PTPRN2: variants seen among roughly 807,000 people sequenced by gnomAD.
PTPRN2 encodes the protein protein tyrosine phosphatase receptor type N2.
A neutral mutation model predicts 118.8 loss-of-function variants in PTPRN2; 74 were observed. That is an observed-to-expected ratio of 0.62 (90% CI 0.52 to 0.76). The LOEUF (loss-of-function observed/expected upper bound fraction) is 0.76, where lower values mean the gene tolerates loss of function less well. PTPRN2 is among the 30% of genes least tolerant of loss of function. The pLI, the probability that PTPRN2 is intolerant of heterozygous loss-of-function variation, is 0.00. For missense variants in PTPRN2, 1,481 were observed against 1,394.4 expected (o/e 1.06, Z -0.99); for synonymous variants, 641 against 608.0 (o/e 1.05, Z -0.80).
chr7:158,501,502 T>G (rs1183116856), intron 1 of PTPRN2, among the ~76,000 whole-genome samples: 1 of 152,172 alleles, frequency 6.6e-6, no homozygotes, highest in Non-Finnish European at 1.5e-5. Flanking sequence ...AACGCCAGGC[T>G]GAGGCTGAGG....
chr7:158,324,089 T>C (rs1404890829), intron 2 of PTPRN2, among the ~76,000 whole-genome samples: 2 of 150,640 alleles, frequency 1.3e-5, no homozygotes, highest in African/African-American at 4.9e-5. Context: ...CCAGACACAC[T>C]AACTCATATA....
intron 15 of PTPRN2, among the ~76,000 whole-genome samples, chr7:157,604,778 C>T (rs1026263586): frequency 2.6e-5 from 4 of 152,202 alleles, no homozygotes; most frequent in Admixed American, 1.3e-4. Context: ...TGAAGCCGGG[C>T]GCAGCGGGGG....
At chr7:157,600,624 G>T (rs909801874) in intron 16 of PTPRN2, among the ~76,000 whole-genome samples, 7 of 152,190 alleles carry the variant, frequency 4.6e-5, no homozygotes, top group Admixed American at 1.3e-4. Context: ...GGCCAGGCTG[G>T]TCTTAAACTT....
chr7:157,991,559 A>T (rs1169137016), intron 11 of PTPRN2, among the ~76,000 whole-genome samples: 1 of 152,118 alleles, frequency 6.6e-6, no homozygotes, highest in Non-Finnish European at 1.5e-5. Context: ...CCTCTGGCTG[A>T]GGGAGGGTGA....
intron 13 of PTPRN2, among the ~76,000 whole-genome samples, chr7:157,679,264 T>C (rs527979866): frequency 1.3e-5 from 2 of 152,290 alleles, no homozygotes; most frequent in African/African-American, 4.8e-5. Flanking sequence ...ACTAAAACAA[T>C]GGGGAGAAGT....
Position 157,994,553 on chromosome 7 carries a change from A to AAATCAACGCC in PTPRN2, c.1723+86744_1723+86745insGGCGTTGATT, listed in dbSNP as rs1554509678. Among the ~76,000 whole-genome samples, 708 of 143,044 alleles carry AAATCAACGCC rather than the reference A, an allele frequency of 4.9e-3. 37 individuals are homozygous for AAATCAACGCC. The highest frequency in any genetic ancestry group is 0.028 in the Admixed American group (391 of 14,180). The allele number at this position is 143,044 out of a possible 152,430, so 93.8% of individuals were successfully genotyped here. ...CTTACAGCTCCTTGTTCCTAAAATC[A>AAATCAACGCC]GCACCGCGTCCCCAGCTTACAACTC... is the stretch of plus-strand genomic sequence containing the variant. On this transcript the variant is annotated intron_variant, in intron 11 of 22. Transcript: ENST00000389418.
chr7:157,940,754 T>G lies in PTPRN2; in HGVS notation c.1724-42017A>C, dbSNP rs531633680. On this transcript the variant is annotated intron_variant, in intron 11 of 22. Transcript: ENST00000389418. ...GCCCTGCCCCATGACACTGCAAATC[T>G]GACACCCTCCCCACCATGACACTGC... Among the ~76,000 whole-genome samples the G allele has an allele frequency of 2.1e-4, 18 of 87,118 alleles. 1 individual carries two copies. Among genetic ancestry groups the G allele is most frequent in the Non-Finnish European group, 3.1e-4 (16 of 52,438 alleles). 57.2% of individuals were successfully genotyped at this position (87,118 alleles called of 152,430 possible). A position where few individuals can be genotyped will look rare whatever the true frequency, so the allele number is the denominator to read the frequency against.
At chr7:158,217,185 G>A (rs976373838) in intron 3 of PTPRN2, among the ~76,000 whole-genome samples, 2 of 152,152 alleles carry the variant, frequency 1.3e-5, no homozygotes, top group Non-Finnish European at 2.9e-5. Context: ...CACCAATGGG[G>A]CAGTTTAGCT....
intron 5 of PTPRN2, among the ~76,000 whole-genome samples, chr7:158,184,610 A>G (rs10243412): frequency 0.89 from 134,906 of 152,134 alleles, 60,082 homozygotes; most frequent in African/African-American, 0.97. Flanking sequence ...TCAGGAGTTC[A>G]AGACCAGCCT....
At chr7:158,024,865 A>G (rs1807150559) in intron 11 of PTPRN2, among the ~76,000 whole-genome samples, 1 of 152,344 alleles carries the variant, frequency 6.6e-6, no homozygotes, top group East Asian at 1.9e-4. Flanking sequence ...AATGTCATAC[A>G]CACAGGAAGT....
chr7:157,784,238 G>A lies in PTPRN2; in HGVS notation c.1789-101301C>T, dbSNP rs1202394178. 6.6e-6 allele frequency among the ~76,000 whole-genome samples: 1 copy of A among 152,130 alleles called. No individual in the cohort carries two copies. Among genetic ancestry groups the A allele is most frequent in the Non-Finnish European group, 1.5e-5 (1 of 68,008 alleles). ...GCAGCTCGTGAGTCAGCCTGGCCTAGTTGGAAAGGCACCAACTAGGTCTCA... is the reference window on the plus strand; with the variant it reads ...GCAGCTCGTGAGTCAGCCTGGCCTAATTGGAAAGGCACCAACTAGGTCTCA... On this transcript the variant is annotated intron_variant, in intron 12 of 22. Transcript: ENST00000389418. This position sits in a 1 kb window ranked among gnomAD's most constrained non-coding sequence, Gnocchi z 4.6.
rs377434138 is a variant in PTPRN2 at position 158,487,600 on chromosome 7, AAGAG to A, written c.163+2131_163+2134del. 3.7e-3 allele frequency among the ~76,000 whole-genome samples: 569 copies of A among 152,308 alleles called. 2 individuals carry two copies. Among genetic ancestry groups the A allele is most frequent in the African/African-American group, 0.013 (524 of 41,566 alleles). Reference sequence around the variant, plus strand: ...CGTACCTTAAGAAAAGAGAGGGGGAAAGAGAGAGAGTGAGCCAGAGGGAGAGAAA... The same window carrying A: ...CGTACCTTAAGAAAAGAGAGGGGGAAAGAGAGTGAGCCAGAGGGAGAGAAA... On this transcript the variant is annotated intron_variant, in intron 2 of 22. Transcript: ENST00000389418.
chr7:158,200,260 G>A (rs937980954), intron 4 of PTPRN2, among the ~76,000 whole-genome samples: 1 of 152,174 alleles, frequency 6.6e-6, no homozygotes, highest in African/African-American at 2.4e-5. Context: ...AAACAAAGAG[G>A]AAGCAGGAAA....
chr7:157,593,176 C>T (rs376422694), intron 17 of PTPRN2, among the ~76,000 whole-genome samples: 13 of 149,366 alleles, frequency 8.7e-5, no homozygotes, highest in Admixed American at 1.3e-4. Context: ...GCATGGACAC[C>T]GAGAGCCTTC....
chr7:158,302,658 G>A (rs12698206), intron 3 of PTPRN2, among the ~76,000 whole-genome samples: 1,590 of 152,322 alleles, frequency 0.01, 16 homozygotes, highest in Non-Finnish European at 0.017. Context: ...GCGTAAGATG[G>A]CACGACTCAC....
chr7:157,799,168 G>A (rs1461177698), intron 12 of PTPRN2, among the ~76,000 whole-genome samples: 1 of 152,154 alleles, frequency 6.6e-6, no homozygotes, highest in Admixed American at 6.5e-5. Context: ...GCAGGAGCAC[G>A]CTGTGTGCTC....
intron 1 of PTPRN2, among the ~76,000 whole-genome samples, chr7:158,557,449 G>A (rs1827117129): frequency 6.6e-6 from 1 of 152,256 alleles, no homozygotes; most frequent in Non-Finnish European, 1.5e-5. Flanking sequence ...GCCATCATGG[G>A]CTCTGATTCC....
chr7:157,785,664 G>A lies in PTPRN2; in HGVS notation c.1789-102727C>T, dbSNP rs1213621703. ...TGGGCAGAGGGCAGAGACGGAGACCGTGGGCACAGCACACCAAGGGGGAGC... is the reference window on the plus strand; with the variant it reads ...TGGGCAGAGGGCAGAGACGGAGACCATGGGCACAGCACACCAAGGGGGAGC... On this transcript the variant is annotated intron_variant, in intron 12 of 22. Transcript: ENST00000389418. The surrounding 1 kb of genome is among the most constrained non-coding windows in gnomAD (Gnocchi z 7.3). 2.0e-5 allele frequency among the ~76,000 whole-genome samples: 3 copies of A among 152,286 alleles called. No homozygotes were observed. The highest frequency in any genetic ancestry group is 3.4e-3 in the Middle Eastern group (1 of 294).
rs1806192347 is a variant in PTPRN2, at chr7:157,813,582, G to A, written c.1788+85091C>T. Among the ~76,000 whole-genome samples the A allele has an allele frequency of 6.6e-6, 1 of 152,212 alleles. No individual in the cohort carries two copies. Among genetic ancestry groups the A allele is most frequent in the Non-Finnish European group, 1.5e-5 (1 of 68,046 alleles). ...TCAAATGCGCAGAAGAAAGATCAGAGGACAAGATGCCCACGAATGATAAGC... is the reference window on the plus strand; with the variant it reads ...TCAAATGCGCAGAAGAAAGATCAGAAGACAAGATGCCCACGAATGATAAGC... On this transcript the variant is annotated intron_variant, in intron 12 of 22. Transcript: ENST00000389418. The surrounding 1 kb of genome is among the most constrained non-coding windows in gnomAD (Gnocchi z 4.7).
Sources: allele counts gnomAD v4.1 joint callset (sites outside exome capture counted in the v4.1 genomes callset), GRCh38; gene constraint gnomAD v4.1.1; non-coding constraint Gnocchi (gnomAD v3.1); transcripts MANE v1.5; gene names NCBI Gene and HGNC (gene_info 2026-07-23, HGNC 2026-07-21).